Variants in PAM observed in about 807,000 individuals in gnomAD.
PAM encodes the protein peptidyl-glycine alpha-amidating monooxygenase.
PAM carries 72 observed loss-of-function variants against 122.1 expected under a neutral mutation model. That is an observed-to-expected ratio of 0.59 (90% CI 0.49 to 0.72). The LOEUF (loss-of-function observed/expected upper bound fraction) is 0.72. PAM is among the 30% of genes least tolerant of loss of function. The pLI is 0.00. For missense variants in PAM, 1,106 were observed against 1,183.7 expected (o/e 0.93, Z 0.96); for synonymous variants, 389 against 404.4 (o/e 0.96, Z 0.46).
At chr5:103,028,742 T>C in intron 25 of PAM, 145 bp from the exon 26 acceptor site, 1 of 599,522 alleles carries the variant, frequency 1.7e-6, no homozygotes. Flanking sequence ...AGGATACGTC[T>C]CTGTCTGTTT....
At chr5:102,998,092 G>T (rs1223372066) in intron 16 of PAM, among the ~76,000 whole-genome samples, 1 of 152,186 alleles carries the variant, frequency 6.6e-6, no homozygotes, top group Non-Finnish European at 1.5e-5. Context: ...GGACCTATAA[G>T]AAATGCTTTA....
chr5:102,864,985 G>T lies in PAM; in HGVS notation c.-373-838G>T, dbSNP rs184768914. Among the ~76,000 whole-genome samples the T allele has an allele frequency of 1.4e-4, 22 of 152,208 alleles. No homozygotes were observed. The East Asian group carries it at 4.2e-3, about 29-fold the overall frequency. ...ATTAGTTCTTCATGGCCTCTCATTT[G>T]TATTAATGTGACGTTCTTGATCATA... On this transcript the variant is annotated intron_variant, in intron 1 of 25. Transcript: ENST00000438793.
chr5:102,854,201 A>G (rs1782039100), intron 1 of PAM, among the ~76,000 whole-genome samples: 1 of 152,224 alleles, frequency 6.6e-6, no homozygotes, highest in South Asian at 2.1e-4. Context: ...CATGGAAAGT[A>G]TTTAAAATGC....
chr5:102,979,929 A>T (rs769715376), intron 15 of PAM, among the ~76,000 whole-genome samples: 14 of 152,072 alleles, frequency 9.2e-5, no homozygotes, highest in Non-Finnish European at 1.8e-4. Context: ...TTTATCATAA[A>T]AAGTGTTATA....
rs139910319 is a variant in PAM, at chr5:102,854,136, T to C, written c.-373-11687T>C. Among the ~76,000 whole-genome samples the C allele has an allele frequency of 6.0e-3, 912 of 152,330 alleles. 6 individuals are homozygous for C. Among genetic ancestry groups the C allele is most frequent in the Middle Eastern group, 0.034 (10 of 294 alleles). ...CCTCTATTTGCTCATCTGTAAAATG[T>C]AGATAGTACTTAGACCTAGCTTATA... On this transcript the variant is annotated intron_variant, in intron 1 of 25. Transcript: ENST00000438793.
At chr5:102,993,553 T>G (rs1774802090) in intron 16 of PAM, among the ~76,000 whole-genome samples, 1 of 152,170 alleles carries the variant, frequency 6.6e-6, no homozygotes, top group African/African-American at 2.4e-5. Context: ...GAAGGGATCT[T>G]GGAATTAGTA....
intron 1 of PAM, among the ~76,000 whole-genome samples, chr5:102,775,390 T>G (rs1756884261): frequency 6.6e-6 from 1 of 152,216 alleles, no homozygotes; most frequent in African/African-American, 2.4e-5. Flanking sequence ...GCAGGTTTGT[T>G]ACATAGGTAA....
chr5:102,970,950 G>T (rs1379842654), intron 14 of PAM, among the ~76,000 whole-genome samples: 2 of 152,054 alleles, frequency 1.3e-5, no homozygotes, highest in Admixed American at 6.5e-5. Context: ...GGGATTACAG[G>T]TGCCCACCAC....
chr5:102,968,246 A>T (rs1764711599), intron 14 of PAM, among the ~76,000 whole-genome samples: 1 of 152,186 alleles, frequency 6.6e-6, no homozygotes, highest in Non-Finnish European at 1.5e-5. Flanking sequence ...TTTGAGAAGA[A>T]TGTATAGGAA....
chr5:102,939,220 CATT>C (rs1367152157), intron 7 of PAM, among the ~76,000 whole-genome samples: 2 of 152,076 alleles, frequency 1.3e-5, no homozygotes, highest in South Asian at 2.1e-4. Flanking sequence ...CCAATAGAAA[CATT>C]ATTCTTTTCA....
intron 16 of PAM, among the ~76,000 whole-genome samples, chr5:103,000,191 A>T (rs891788801): frequency 6.6e-6 from 1 of 152,182 alleles, no homozygotes; most frequent in Non-Finnish European, 1.5e-5. Context: ...CTTCCACCAG[A>T]TCATCTTCCA....
intron 15 of PAM, 38 bp downstream of exon 15, chr5:102,974,474 A>T (rs1233878809): frequency 1.4e-5 from 19 of 1,382,932 alleles, no homozygotes; most frequent in African/African-American, 4.3e-5. Context: ...AAAGTGTGAA[A>T]TGCTACAATC....
At chr5:102,811,715 C>G (rs188570616) in intron 1 of PAM, among the ~76,000 whole-genome samples, 2 of 152,234 alleles carry the variant, frequency 1.3e-5, no homozygotes, top group African/African-American at 2.4e-5. Context: ...GATATTTTTG[C>G]TGAAAATCAT....
intron 16 of PAM, among the ~76,000 whole-genome samples, chr5:102,997,698 T>C (rs1776154733): frequency 6.6e-6 from 1 of 152,234 alleles, no homozygotes; most frequent in African/African-American, 2.4e-5. Context: ...TAGTTAATTT[T>C]ACTATTTGCT....
At chr5:102,941,128 A>G (rs1755062584) in intron 7 of PAM, among the ~76,000 whole-genome samples, 1 of 152,232 alleles carries the variant, frequency 6.6e-6, no homozygotes, top group Non-Finnish European at 1.5e-5. Flanking sequence ...GAAACAGGAA[A>G]GTGCTCTTAC....
chr5:102,968,033 C>A (rs1032397930), intron 14 of PAM, among the ~76,000 whole-genome samples: 17 of 152,034 alleles, frequency 1.1e-4, no homozygotes, highest in African/African-American at 4.1e-4. Context: ...AAAAACTAGT[C>A]ATTTTTTAAG....
chr5:102,875,079 G>T (rs1788710849), intron 3 of PAM, among the ~76,000 whole-genome samples: 1 of 151,754 alleles, frequency 6.6e-6, no homozygotes, highest in Non-Finnish European at 1.5e-5. Context: ...ATGTGTGCAG[G>T]TGTGTGTCTA....
At chr5:102,951,428 G>C (rs1281589057) in intron 12 of PAM, among the ~76,000 whole-genome samples, 1 of 151,982 alleles carries the variant, frequency 6.6e-6, no homozygotes, top group Non-Finnish European at 1.5e-5. Flanking sequence ...AATGAAAAAT[G>C]AAAGGTAGTT....
intron 16 of PAM, among the ~76,000 whole-genome samples, chr5:102,999,425 T>C (rs1322338421): frequency 6.6e-6 from 1 of 152,216 alleles, no homozygotes; most frequent in Admixed American, 6.5e-5. Flanking sequence ...TCCAGGCACA[T>C]GGTGCAAGCC....
Sources: gnomAD v4.1 joint callset for allele counts (sites outside exome capture counted in the v4.1 genomes callset) on GRCh38, gnomAD v4.1.1 for gene constraint, MANE v1.5 for transcripts, NCBI Gene and HGNC (gene_info 2026-07-23, HGNC 2026-07-21) for gene names.